NDFIP2: variants seen among roughly 807,000 people sequenced by gnomAD.
NDFIP2 encodes the protein NEDD4 family-interacting protein 2.
In NDFIP2, 19 loss-of-function variants were observed where a neutral mutation model predicts 36.0. The observed-to-expected ratio is 0.53, with a 90% CI of 0.37 to 0.77. The LOEUF (loss-of-function observed/expected upper bound fraction) is 0.77, where lower values mean the gene tolerates loss of function less well. Ranked by LOEUF, NDFIP2 falls within the 30% of genes least tolerant of loss-of-function variation. NDFIP2 has a pLI of 0.00. For synonymous variants in NDFIP2, 181 were observed against 167.7 expected (o/e 1.08, Z -0.61); for missense variants, 446 against 435.8 (o/e 1.02, Z -0.21).
At chr13:79,491,957 A>G (rs1873240086) in intron 1 of NDFIP2, among the ~76,000 whole-genome samples, 2 of 152,208 alleles carry the variant, frequency 1.3e-5, no homozygotes, top group African/African-American at 2.4e-5. Context: ...AGATTATTTC[A>G]GGGTTTTGAC....
At chr13:79,542,585 T>C (rs545714186) in intron 4 of NDFIP2, among the ~76,000 whole-genome samples, 1 of 151,878 alleles carries the variant, frequency 6.6e-6, no homozygotes, top group East Asian at 1.9e-4. Context: ...TCCCTAACAA[T>C]TGATGTTAAG....
intron 1 of NDFIP2, among the ~76,000 whole-genome samples, chr13:79,510,442 C>T (rs1450031481): frequency 6.7e-6 from 1 of 150,272 alleles, no homozygotes; most frequent in Non-Finnish European, 1.5e-5. Context: ...AAAACTACTT[C>T]CCCATTGCCT....
intron 1 of NDFIP2, among the ~76,000 whole-genome samples, chr13:79,488,430 G>T (rs963914066): frequency 1.3e-5 from 2 of 152,024 alleles, no homozygotes; most frequent in African/African-American, 4.8e-5. Flanking sequence ...GAACAGTGCT[G>T]AATCAAATGG....
intron 1 of NDFIP2, among the ~76,000 whole-genome samples, chr13:79,482,169 C>CTTTTTTTTTTTTT (rs10558361): frequency 2.6e-4 from 20 of 75,886 alleles, no homozygotes; most frequent in East Asian, 1.0e-3. Flanking sequence ...TTCTTTCTTT[C>CTTTTTTTTTTTTT]TTTTTTTTTT....
chr13:79,484,206 G>A (rs1027856465), intron 1 of NDFIP2, among the ~76,000 whole-genome samples: 2 of 151,820 alleles, frequency 1.3e-5, no homozygotes, highest in Non-Finnish European at 2.9e-5. Flanking sequence ...GTAGAGATGG[G>A]GTTTCAGCAT....
chr13:79,541,392 T>G (rs1875450327), intron 4 of NDFIP2, among the ~76,000 whole-genome samples: 1 of 151,184 alleles, frequency 6.6e-6, no homozygotes, highest in African/African-American at 2.4e-5. Context: ...AGTATATTAG[T>G]TAATATAATG....
chr13:79,502,464 G>A (rs934577981), intron 1 of NDFIP2, among the ~76,000 whole-genome samples: 21 of 152,086 alleles, frequency 1.4e-4, no homozygotes, highest in African/African-American at 4.3e-4. Context: ...GACAGTATCC[G>A]TAGCTCTGGA....
intron 1 of NDFIP2, among the ~76,000 whole-genome samples, chr13:79,509,690 T>TATATAGAGAGAGAG (rs113326163): frequency 5.4e-5 from 8 of 147,808 alleles, no homozygotes; most frequent in African/African-American, 2.0e-4. Context: ...TATATATATA[T>TATATAGAGAGAGAG]AGAGAGAGAG....
chr13:79,493,078 G>A lies in NDFIP2; in HGVS notation c.321+11554G>A, dbSNP rs75637447. Among the ~76,000 whole-genome samples, 194 of 152,132 alleles carry A rather than the reference G, an allele frequency of 1.3e-3. 1 individual carries two copies. Among genetic ancestry groups the A allele is most frequent in the East Asian group, 2.5e-3 (13 of 5,180 alleles). On this transcript the variant is annotated intron_variant, in intron 1 of 7. Transcript: ENST00000218652. ...TGTTATAGCCCTTATTTCATGGTGT[G>A]TATTTCCCCACTAGATTGTAAACTC...
chr13:79,519,477 T>C (rs1420279434), intron 1 of NDFIP2, among the ~76,000 whole-genome samples: 2 of 152,226 alleles, frequency 1.3e-5, no homozygotes, highest in Non-Finnish European at 2.9e-5. Flanking sequence ...TTTCAAAGTT[T>C]ACCATAAATG....
chr13:79,523,487 CG>C (rs1594852356), intron 2 of NDFIP2, among the ~76,000 whole-genome samples: 1 of 151,872 alleles, frequency 6.6e-6, no homozygotes, highest in African/African-American at 2.4e-5. Flanking sequence ...CCCAAAGTGC[CG>C]GGATTACAGG....
intron 2 of NDFIP2, among the ~76,000 whole-genome samples, chr13:79,530,179 A>G (rs1489551045): frequency 6.6e-6 from 1 of 152,064 alleles, no homozygotes; most frequent in Non-Finnish European, 1.5e-5. Flanking sequence ...GACAGAATTC[A>G]GTGGCGCTTT....
At position 79,481,166 on chromosome 13, in the gene NDFIP2, TCCTCCCACCCAGCTATAC is replaced by T. The variant is rs1296489293; in HGVS notation, c.-29_-12del. The T allele has an allele frequency of 2.1e-6, 3 of 1,446,738 alleles. No homozygotes were observed. The African/African-American group carries it at 4.4e-5, about 21-fold the overall frequency. The allele number at this position is 1,446,738 out of a possible 1,614,324, so 89.6% of individuals were successfully genotyped here. On this transcript the variant is annotated 5_prime_UTR_variant, in exon 1 of 8. Transcript: ENST00000218652. ...CCCGGACTTGCCTTACTTTTCCATC[TCCTCCCACCCAGCTATAC>T]CCTCCCACTGGCGGCGCGGATGGCA...
At chr13:79,545,026 A>G (rs1875609265) in intron 5 of NDFIP2, among the ~76,000 whole-genome samples, 1 of 152,190 alleles carries the variant, frequency 6.6e-6, no homozygotes, top group African/African-American at 2.4e-5. Flanking sequence ...TAGCTGTTAC[A>G]GAACATACAA....
At chr13:79,517,731 T>C (rs908987328) in intron 1 of NDFIP2, among the ~76,000 whole-genome samples, 2 of 152,208 alleles carry the variant, frequency 1.3e-5, no homozygotes, top group Non-Finnish European at 2.9e-5. Context: ...AGCTTTATTT[T>C]GGAGCTTATA....
At chr13:79,542,996 C>T (rs1311144291) in intron 4 of NDFIP2, among the ~76,000 whole-genome samples, 7 of 152,052 alleles carry the variant, frequency 4.6e-5, no homozygotes, top group African/African-American at 1.7e-4. Context: ...CCTGCCTCAG[C>T]TTCCCAAGTA....
At chr13:79,490,204 C>G (rs567505251) in intron 1 of NDFIP2, among the ~76,000 whole-genome samples, 24 of 152,272 alleles carry the variant, frequency 1.6e-4, no homozygotes, top group African/African-American at 5.3e-4. Flanking sequence ...AGAACACTTC[C>G]TGGAGAGGCA....
At chr13:79,538,867 C>G (rs1379451843) in intron 3 of NDFIP2, among the ~76,000 whole-genome samples, 1 of 152,242 alleles carries the variant, frequency 6.6e-6, no homozygotes, top group African/African-American at 2.4e-5. Context: ...TAGGCGTGAG[C>G]CACAGCGCCT....
chr13:79,547,006 TA>T (rs1875708384), intron 5 of NDFIP2, among the ~76,000 whole-genome samples: 1 of 152,020 alleles, frequency 6.6e-6, no homozygotes, highest in East Asian at 1.9e-4. Context: ...ATGTTTTTAG[TA>T]GTACTTTGAA....
Sources: allele counts gnomAD v4.1 joint callset (sites outside exome capture counted in the v4.1 genomes callset), GRCh38; gene constraint gnomAD v4.1.1; transcripts MANE v1.5; gene names NCBI Gene and HGNC (gene_info 2026-07-23, HGNC 2026-07-21).